AFG2A: variants seen among roughly 807,000 people sequenced by gnomAD.
AFG2A encodes the protein ATPase family gene 2 protein homolog A.
At chr4:123,097,221 A>C in the AFG2A span, among the ~76,000 whole-genome samples, 1 of 152,120 alleles carries the variant, frequency 6.6e-6, no homozygotes, top group African/African-American at 2.4e-5. Context: ...AAAGCTAAAT[A>C]TACGTATCTT....
the AFG2A span, among the ~76,000 whole-genome samples, chr4:123,023,684 A>T: frequency 9.1e-3 from 1,382 of 152,202 alleles, 9 homozygotes; most frequent in Non-Finnish European, 0.014. Context: ...TCTCTTGTCC[A>T]CATTGGAAGA....
chr4:123,032,850 G>A, the AFG2A span, among the ~76,000 whole-genome samples: 1 of 152,352 alleles, frequency 6.6e-6, no homozygotes, highest in South Asian at 2.1e-4. Context: ...AGAATGTACT[G>A]TGTTGCCACG....
chr4:123,276,590 T>C, the AFG2A span, among the ~76,000 whole-genome samples: 2 of 152,336 alleles, frequency 1.3e-5, no homozygotes, highest in South Asian at 2.1e-4. Flanking sequence ...TCCTATGTTA[T>C]CTTCCAGGGA....
the AFG2A span, among the ~76,000 whole-genome samples, chr4:123,251,748 G>A: frequency 6.6e-6 from 1 of 152,082 alleles, no homozygotes. Context: ...TGATTTCCAT[G>A]ATTGAAATGG....
At chr4:123,317,930 CAG>C in the AFG2A span, 1 of 152,168 alleles carries the variant, frequency 6.6e-6, no homozygotes, top group African/African-American at 2.4e-5. Context: ...GGAATTTCCT[CAG>C]GGGAGAAAAG....
chr4:123,305,055 G>A, the AFG2A span, among the ~76,000 whole-genome samples: 2 of 152,162 alleles, frequency 1.3e-5, no homozygotes, highest in African/African-American at 4.8e-5. Context: ...AATGAATTCA[G>A]CTATCAGGAA....
the AFG2A span, among the ~76,000 whole-genome samples, chr4:123,159,157 T>C: frequency 6.6e-6 from 1 of 152,214 alleles, no homozygotes; most frequent in East Asian, 1.9e-4. Flanking sequence ...GTATGTCTTT[T>C]ATAGCTGTTA....
chr4:123,058,571 G>A, the AFG2A span, among the ~76,000 whole-genome samples: 14 of 152,166 alleles, frequency 9.2e-5, no homozygotes, highest in African/African-American at 3.4e-4. Context: ...GTTGCGGTGA[G>A]CTGAGACTGC....
chr4:123,237,917 C>T, the AFG2A span, among the ~76,000 whole-genome samples: 14 of 152,144 alleles, frequency 9.2e-5, no homozygotes, highest in Admixed American at 9.2e-4. Flanking sequence ...ATTTCCCTCT[C>T]CTAGCCAAGG....
chr4:123,003,716 C>A, the AFG2A span, among the ~76,000 whole-genome samples: 8 of 152,006 alleles, frequency 5.3e-5, no homozygotes, highest in African/African-American at 1.9e-4. Context: ...TCTGCCCCTA[C>A]TGGGGGGTGC....
the AFG2A span, chr4:122,933,627 G>C: frequency 1.5e-6 from 1 of 676,864 alleles, no homozygotes. Flanking sequence ...TCCCCTCAAT[G>C]AATGAATATA....
chr4:123,095,780 G>T, the AFG2A span, among the ~76,000 whole-genome samples: 2 of 151,986 alleles, frequency 1.3e-5, no homozygotes, highest in Non-Finnish European at 2.9e-5. Context: ...ATTAAATCCA[G>T]GCATTTGGCC....
At chr4:123,159,040 G>A in the AFG2A span, among the ~76,000 whole-genome samples, 2 of 152,132 alleles carry the variant, frequency 1.3e-5, no homozygotes, top group African/African-American at 4.8e-5. Context: ...ATTAGAGAGT[G>A]TTTATTTGAC....
the AFG2A span, among the ~76,000 whole-genome samples, chr4:123,248,036 CAT>C: frequency 6.6e-6 from 1 of 151,992 alleles, no homozygotes; most frequent in Non-Finnish European, 1.5e-5. Context: ...AGGACCAAGT[CAT>C]ATGCTTCTGT....
the AFG2A span, among the ~76,000 whole-genome samples, chr4:123,091,415 A>G: frequency 6.6e-6 from 1 of 152,218 alleles, no homozygotes; most frequent in Admixed American, 6.5e-5. Flanking sequence ...CCAATCTTGT[A>G]TCTTACTTTT....
At chr4:123,229,753 AT>A in the AFG2A span, among the ~76,000 whole-genome samples, 1 of 152,014 alleles carries the variant, frequency 6.6e-6, no homozygotes, top group Admixed American at 6.6e-5. Context: ...CTTTATTTGG[AT>A]ATACCTGTAT....
At chr4:123,268,400 G>C in the AFG2A span, among the ~76,000 whole-genome samples, 2,130 of 152,266 alleles carry the variant, frequency 0.014, 58 homozygotes, top group African/African-American at 0.048. Context: ...TGTAGACATG[G>C]TAACATCTGA....
chr4:123,095,215 C>T, the AFG2A span, among the ~76,000 whole-genome samples: 1 of 151,308 alleles, frequency 6.6e-6, no homozygotes, highest in Non-Finnish European at 1.5e-5. Flanking sequence ...AAAGTGCCTT[C>T]AGTATTTAGT....
At chr4:123,217,322 A>C in the AFG2A span, among the ~76,000 whole-genome samples, 1 of 152,164 alleles carries the variant, frequency 6.6e-6, no homozygotes, top group Non-Finnish European at 1.5e-5. Flanking sequence ...TAAATAGAAA[A>C]GGTGGAGGGA....
Sources: allele counts gnomAD v4.1 joint callset (sites outside exome capture counted in the v4.1 genomes callset), GRCh38; gene constraint gnomAD v4.1.1; transcripts MANE v1.5; gene names NCBI Gene and HGNC (gene_info 2026-07-23, HGNC 2026-07-21).